The following DHRS2 variants were observed in gnomAD, a reference collection of about 807,000 sequenced individuals.
The protein encoded by DHRS2 is dehydrogenase/reductase 2.
A neutral mutation model predicts 26.3 loss-of-function variants in DHRS2; 29 were observed. The ratio of observed to expected loss-of-function variants is 1.10; its 90% CI spans 0.82 to 1.50. The LOEUF is 1.50. DHRS2 is among the 40% of genes most tolerant of loss of function. The pLI is 0.00. For missense variants in DHRS2, 439 were observed against 367.1 expected (o/e 1.20, Z -1.60); for synonymous variants, 164 against 151.3 (o/e 1.08, Z -0.62).
chr14:23,638,631 C>T, intron 1 of DHRS2, 196 bp from the exon 2 acceptor site: 3 of 490,876 alleles, frequency 6.1e-6, no homozygotes, highest in Non-Finnish European at 7.2e-6. Context: ...GAATAATTTC[C>T]CCAGTTTTAT....
chr14:23,640,157 G>C (rs1890581994), intron 4 of DHRS2: 1 of 715,490 alleles, frequency 1.4e-6, no homozygotes, highest in Non-Finnish European at 1.8e-6. Context: ...CATTCAGCAG[G>C]TATTTATTGC....
At chr14:23,642,905 G>C in intron 4 of DHRS2, 2 of 387,816 alleles carry the variant, frequency 5.2e-6, no homozygotes, top group South Asian at 3.5e-5. Flanking sequence ...TTCCTTCCTC[G>C]TGTCAGTCCT....
chr14:23,645,541 GA>G lies in DHRS2; in HGVS notation c.*289del. On this transcript the variant is annotated 3_prime_UTR_variant, in exon 9 of 9. Coordinates refer to ENST00000250383, the MANE Select transcript of DHRS2 (RefSeq NM_005794.4). ...GCTTTGGAGGAATCTTAAGGGAAAG[GA>G]GTAGAAGCTCAGGCCTTTGAAGGAT... 3.9e-6 allele frequency: 2 copies of G among 509,890 alleles called. No individual in the cohort carries two copies. The allele number at this position is 509,890 out of a possible 1,614,324, so 31.6% of individuals were successfully genotyped here. A position where few individuals can be genotyped will look rare whatever the true frequency, so the allele number is the denominator to read the frequency against.
rs1890785958 is a variant in DHRS2 at position 23,644,318 on chromosome 14, TG to T, written c.541-88del. 3.9e-5 allele frequency: 62 copies of T among 1,584,574 alleles called. No individual in the cohort carries two copies. In the South Asian group the frequency reaches 6.9e-4, roughly 18 times the overall value. On this transcript the variant is annotated intron_variant, in intron 6 of 8. Coordinates refer to ENST00000250383, the MANE Select transcript of DHRS2 (RefSeq NM_005794.4). Reference sequence around the variant, plus strand: ...GTCTCCATGTGGGTGGGAGGGCTGCTGGGCCTGTGAGATCCCTGTAGGTGAG... The same window carrying T: ...GTCTCCATGTGGGTGGGAGGGCTGCTGGCCTGTGAGATCCCTGTAGGTGAG...
Position 23,642,957 on chromosome 14 carries a change from C to T in DHRS2, c.421-195C>T, listed in dbSNP as rs893716977. The T allele has an allele frequency of 1.0e-5, 6 of 585,872 alleles. No homozygotes were observed. The East Asian group carries it at 1.8e-4, about 17-fold the overall frequency. The allele number at this position is 585,872 out of a possible 1,614,324, so 36.3% of individuals were successfully genotyped here. On this transcript the variant is annotated intron_variant, in intron 4 of 8. Transcript: ENST00000250383. ...CAGGGCTCTGCTCACAGGCCTGTGA[C>T]TTAGCCTGCCTGCCTATGAAACCAT...
intron 8 of DHRS2, 36 bp from the exon 9 acceptor site, chr14:23,645,106 A>G (rs1199804457): frequency 1.2e-6 from 2 of 1,613,154 alleles, no homozygotes; most frequent in Admixed American, 1.7e-5. Flanking sequence ...GAATCAGAGT[A>G]CAAGATGCTT....
chr14:23,632,842 C>T, upstream of DHRS2, among the ~76,000 whole-genome samples: 1 of 152,232 alleles, frequency 6.6e-6, no homozygotes, highest in Non-Finnish European at 1.5e-5. Context: ...TGGCCCAGAG[C>T]TGCCAGAGCC....
chr14:23,639,124 G>GA, intron 2 of DHRS2, 55 bp from the exon 3 acceptor site: 1 of 1,601,364 alleles, frequency 6.2e-7, no homozygotes, highest in Non-Finnish European at 8.5e-7. Context: ...CTGGGTAGAG[G>GA]AAGGACAGTG....
intron 1 of DHRS2, among the ~76,000 whole-genome samples, chr14:23,630,806 T>C (rs1215934974): frequency 6.6e-6 from 1 of 152,156 alleles, no homozygotes; most frequent in Non-Finnish European, 1.5e-5. Context: ...AGTGGGGGCT[T>C]CCAGGTCACA....
In DHRS2 at chr14:23,644,641, A is replaced by T. The variant is rs11845251; in HGVS notation, c.675+98A>T. On this transcript the variant is annotated intron_variant, in intron 7 of 8. Transcript: ENST00000250383. ...GGGGTGACTGAATCCTTAGGTCAGC[A>T]TGCCTATGACTGAGGTCCTCATTGT... 8,270 of 1,575,778 alleles carry T rather than the reference A, an allele frequency of 5.2e-3. 394 individuals carry two copies. The African/African-American group carries it at 0.098, about 19-fold the overall frequency.
At chr14:23,634,157 T>A (rs980469576), upstream of DHRS2, among the ~76,000 whole-genome samples, 2 of 131,800 alleles carry the variant, frequency 1.5e-5, no homozygotes, top group African/African-American at 5.7e-5. Flanking sequence ...AACCTCCAAC[T>A]CCTGGGTTCA....
intron 3 of DHRS2, 68 bp from the exon 4 acceptor site, chr14:23,639,726 C>G: frequency 1.4e-6 from 2 of 1,481,400 alleles, no homozygotes; most frequent in East Asian, 4.9e-5. Flanking sequence ...GCCTTATGAC[C>G]TGGGCTGCCC....
intron 4 of DHRS2, chr14:23,640,404 T>TC (rs1490285635): frequency 9.9e-5 from 98 of 985,344 alleles, no homozygotes; most frequent in Non-Finnish European, 1.2e-4. Flanking sequence ...CCATCAGCAT[T>TC]CCGGGGGCTT....
intron 1 of DHRS2, among the ~76,000 whole-genome samples, chr14:23,637,299 T>G (rs779848747): frequency 1.3e-5 from 2 of 152,232 alleles, no homozygotes; most frequent in African/African-American, 4.8e-5. Flanking sequence ...AGGACTCTGT[T>G]ACCTTCTTTA....
intron 3 of DHRS2, 66 bp from the exon 4 acceptor site, chr14:23,639,728 G>A (rs1890548176): frequency 2.7e-6 from 4 of 1,487,268 alleles, no homozygotes; most frequent in Non-Finnish European, 3.6e-6. Flanking sequence ...CTTATGACCT[G>A]GGCTGCCCTG....
At chr14:23,644,267 T>C (rs919081854) in intron 6 of DHRS2, 105 bp downstream of exon 6, 18 of 1,556,468 alleles carry the variant, frequency 1.2e-5, no homozygotes, top group African/African-American at 8.2e-5. Flanking sequence ...ACCCCCACCA[T>C]CCTCCTGCTG....
At chr14:23,639,657 C>A in intron 3 of DHRS2, 137 bp from the exon 4 acceptor site, 1 of 996,258 alleles carries the variant, frequency 1.0e-6, no homozygotes, top group Non-Finnish European at 1.4e-6. Context: ...GCCCCAGGAG[C>A]CTGCCCTTGG....
At chr14:23,642,794 T>C (rs1208136791) in intron 4 of DHRS2, 2 of 207,058 alleles carry the variant, frequency 9.7e-6, no homozygotes, top group Non-Finnish European at 2.0e-5. Flanking sequence ...TCTTGAACTT[T>C]TGGCCTTGAG....
At chr14:23,639,715 G>A in intron 3 of DHRS2, 79 bp from the exon 4 acceptor site, 1 of 1,425,822 alleles carries the variant, frequency 7.0e-7, no homozygotes, top group South Asian at 1.5e-5. Context: ...TTTGCCTGAA[G>A]GCCTTATGAC....
Sources: allele counts gnomAD v4.1 joint callset (sites outside exome capture counted in the v4.1 genomes callset), GRCh38; gene constraint gnomAD v4.1.1; transcripts MANE v1.5; gene names NCBI Gene and HGNC (gene_info 2026-07-23, HGNC 2026-07-21).